The following PRKCH variants were observed in gnomAD, a reference collection of about 807,000 sequenced individuals.
The protein encoded by PRKCH is protein kinase C eta, also known as protein kinase C eta type.
Under a neutral mutation model 82.5 loss-of-function variants are expected in PRKCH, and 28 were observed. That is an observed-to-expected ratio of 0.34 (90% CI 0.25 to 0.47). PRKCH has a LOEUF of 0.47. Ranked by LOEUF, PRKCH falls within the 20% of genes least tolerant of loss-of-function variation. The pLI is 1.00. For missense variants in PRKCH, 705 were observed against 881.8 expected (o/e 0.80, Z 2.54); for synonymous variants, 322 against 327.4 (o/e 0.98, Z 0.18).
chr14:61,527,905 G>C (rs991596114), intron 10 of PRKCH: 1 of 152,488 alleles, frequency 6.6e-6, no homozygotes. Context: ...CTCTGCCTGG[G>C]AGACTCTGAC....
At chr14:61,546,952 C>T (rs1023062278) in intron 12 of PRKCH, among the ~76,000 whole-genome samples, 5 of 152,136 alleles carry the variant, frequency 3.3e-5, no homozygotes, top group African/African-American at 7.2e-5. Context: ...AGATTTAGCC[C>T]AGCATATTTT....
At chr14:61,493,249 G>A (rs1886532633) in intron 10 of PRKCH, among the ~76,000 whole-genome samples, 1 of 152,216 alleles carries the variant, frequency 6.6e-6, no homozygotes, top group South Asian at 2.1e-4. Context: ...CCCCGCCATG[G>A]AAGCTCCGTG....
intron 2 of PRKCH, among the ~76,000 whole-genome samples, chr14:61,402,908 G>T (rs1045900438): frequency 1.3e-5 from 2 of 150,968 alleles, no homozygotes; most frequent in Non-Finnish European, 2.9e-5. Flanking sequence ...TTAAGTTTTA[G>T]GGTACATGTG....
rs138537182 is a variant in PRKCH at position 61,530,587 on chromosome 14, C to T, written c.1753C>T (p.Leu585=). The stretch of plus-strand genomic sequence containing the variant: ...GCTCCATGAAGATGCCACAGGGATC[C>T]TAAAATCTGTAAGTTTGGCTTACCC... ...TWLHEDATGI[L]KSFMTKNPTM... is the part of the protein sequence containing the mutation. The change falls in exon 12 of 14, where the codon CTA becomes TTA. Residue 585 remains leucine, a synonymous_variant. Transcript: ENST00000332981. 1.8e-4 allele frequency: 282 copies of T among 1,592,144 alleles called. No individual in the cohort carries two copies. The highest frequency in any genetic ancestry group is 2.8e-4 in the Admixed American group (16 of 57,474).
At position 61,518,862 on chromosome 14, in the gene PRKCH, GAGTGCAGTAGCACAATCAT is replaced by G. The variant is rs1216910662; in HGVS notation, c.1434-10210_1434-10192del. 1.1e-3 allele frequency among the ~76,000 whole-genome samples: 175 copies of G among 152,210 alleles called. 1 individual carries two copies. The highest frequency in any genetic ancestry group is 4.0e-3 in the African/African-American group (167 of 41,520). On this transcript the variant is annotated intron_variant, in intron 10 of 13. Transcript: ENST00000332981. ...GGATCTTGCTCTGTTGCCCATGCTG[GAGTGCAGTAGCACAATCAT>G]AGCTCAGTGTAGCCTCCAACCCCTG...
chr14:61,433,680 T>A (rs1883529641), intron 2 of PRKCH, among the ~76,000 whole-genome samples: 1 of 152,262 alleles, frequency 6.6e-6, no homozygotes, highest in South Asian at 2.1e-4. Flanking sequence ...ACATACTTTA[T>A]GAAATATGAT....
rs1450484453 is a variant in PRKCH, at chr14:61,280,803, G to C, written c.-19+93135G>C. ...AGCGCCGGTTGTTCTGGTAGAAGTTGGTCAGCTCGTAGTAGAGGTACACTG... is the reference window on the plus strand; with the variant it reads ...AGCGCCGGTTGTTCTGGTAGAAGTTCGTCAGCTCGTAGTAGAGGTACACTG... On this transcript the variant is annotated intron_variant, in intron 1 of 3. Transcript: ENST00000555185. The surrounding 1 kb of genome is among the most constrained non-coding windows in gnomAD (Gnocchi z 5.0). The C allele has an allele frequency of 2.6e-6, 4 of 1,561,030 alleles. No individual in the cohort carries two copies. The South Asian group carries it at 4.8e-5, about 19-fold the overall frequency.
intron 1 of PRKCH, among the ~76,000 whole-genome samples, chr14:61,263,321 A>G (rs963296726): frequency 1.3e-5 from 2 of 152,190 alleles, no homozygotes; most frequent in Non-Finnish European, 2.9e-5. Flanking sequence ...CTTTATGAAA[A>G]AATGTGCTAT....
At chr14:61,217,204 G>T (rs148659182) in intron 1 of PRKCH, among the ~76,000 whole-genome samples, 1 of 152,272 alleles carries the variant, frequency 6.6e-6, no homozygotes, top group African/African-American at 2.4e-5. Flanking sequence ...GCCTGGACAA[G>T]ATGGTGAGTC....
rs1566795857 is a variant in PRKCH, at chr14:61,253,996, TCCC to T, written c.-19+66329_-19+66331del. The stretch of plus-strand genomic sequence containing the variant: ...CCTCCCTCCTCCCTCCCTCCCTCCC[TCCC>T]TCCCTCCCTCCCTTCCTTCCTTCCT... On this transcript the variant is annotated intron_variant, in intron 1 of 3. Transcript: ENST00000555185. Among the ~76,000 whole-genome samples, 52 of 41,962 alleles carry T rather than the reference TCCC, an allele frequency of 1.2e-3. No individual in the cohort carries two copies. The East Asian group carries it at 0.032, about 26-fold the overall frequency. The allele number at this position is 41,962 out of a possible 152,430, so 27.5% of individuals were successfully genotyped here. A position where few individuals can be genotyped will look rare whatever the true frequency, so the allele number is the denominator to read the frequency against.
At chr14:61,247,211 A>G (rs1265633294) in intron 1 of PRKCH, among the ~76,000 whole-genome samples, 3 of 152,142 alleles carry the variant, frequency 2.0e-5, no homozygotes, top group Non-Finnish European at 4.4e-5. Flanking sequence ...AAACTAAATG[A>G]TGACTTCCCA....
At chr14:61,209,453 GTC>G in intron 1 of PRKCH, among the ~76,000 whole-genome samples, 1 of 151,946 alleles carries the variant, frequency 6.6e-6, no homozygotes, top group East Asian at 1.9e-4. Flanking sequence ...AAGTCACCCA[GTC>G]TATCGTATTT....
intron 9 of PRKCH, among the ~76,000 whole-genome samples, chr14:61,471,336 A>C (rs894103522): frequency 1.3e-5 from 2 of 152,218 alleles, no homozygotes; most frequent in Admixed American, 1.3e-4. Flanking sequence ...TTTTGGGGAC[A>C]TTCAGTGGTA....
intron 1 of PRKCH, among the ~76,000 whole-genome samples, chr14:61,295,129 G>C (rs754522903): frequency 1.3e-5 from 2 of 152,184 alleles, no homozygotes; most frequent in African/African-American, 4.8e-5. Flanking sequence ...ACCTCCCAAA[G>C]TGTTGTGATT....
chr14:61,453,572 C>CTT (rs1025601302), intron 7 of PRKCH, among the ~76,000 whole-genome samples: 2 of 147,276 alleles, frequency 1.4e-5, no homozygotes, highest in Non-Finnish European at 3.0e-5. Flanking sequence ...CTCTTTCTCC[C>CTT]TTTTTTTTCT....
At chr14:61,343,401 G>C (rs1425940240) in intron 1 of PRKCH, among the ~76,000 whole-genome samples, 1 of 129,130 alleles carries the variant, frequency 7.7e-6, no homozygotes, top group African/African-American at 2.9e-5. Context: ...AGACTGGATA[G>C]AAAAGACTTA....
At chr14:61,324,835 CAG>C (rs1442703662) in intron 1 of PRKCH, among the ~76,000 whole-genome samples, 4 of 152,024 alleles carry the variant, frequency 2.6e-5, no homozygotes, top group Non-Finnish European at 5.9e-5. Flanking sequence ...GTAGTTTATT[CAG>C]AGAGTTAAAT....
At chr14:61,308,567 C>T (rs1279970243) in intron 1 of PRKCH, among the ~76,000 whole-genome samples, 2 of 152,172 alleles carry the variant, frequency 1.3e-5, no homozygotes. Context: ...TTGTGTCTTT[C>T]TTGCTACTTG....
chr14:61,518,917 A>G (rs774163674), intron 10 of PRKCH, among the ~76,000 whole-genome samples: 3 of 152,054 alleles, frequency 2.0e-5, no homozygotes. Flanking sequence ...GGCTCAAGCA[A>G]TCCTCTCACC....
Sources: allele counts gnomAD v4.1 joint callset (sites outside exome capture counted in the v4.1 genomes callset), GRCh38; gene constraint gnomAD v4.1.1; non-coding constraint Gnocchi (gnomAD v3.1); transcripts MANE v1.5; gene names NCBI Gene and HGNC (gene_info 2026-07-23, HGNC 2026-07-21).